Variants in PTPRM observed in about 807,000 individuals in gnomAD.
PTPRM encodes protein tyrosine phosphatase receptor type M.
A neutral mutation model predicts 186.7 loss-of-function variants in PTPRM; 47 were observed. That is an observed-to-expected ratio of 0.25 (90% CI 0.20 to 0.32). The LOEUF is 0.32. PTPRM is among the 10% of genes least tolerant of loss of function. The probability of loss-of-function intolerance (pLI) is 1.00; values close to 1 mark genes in which losing one functional copy is unlikely to be tolerated. For missense variants in PTPRM, 1,494 were observed against 1,865.0 expected, an observed-to-expected ratio of 0.80 and a Z score of 3.66; for synonymous variants, 668 against 674.9, an observed-to-expected ratio of 0.99 and a Z score of 0.16.
At position 7,567,558 on chromosome 18, in the gene PTPRM, C is replaced by T. The variant is rs996694935; in HGVS notation, c.-261C>T. ...AGGGAAGATTTTGGCTCCGCGGGCTCGCCCTCCGCTCCCTCTGCCAGCGGC... is the reference window on the plus strand; with the variant it reads ...AGGGAAGATTTTGGCTCCGCGGGCTTGCCCTCCGCTCCCTCTGCCAGCGGC... On this transcript the variant is annotated 5_prime_UTR_variant, in exon 1 of 33. Transcript: ENST00000580170. This position sits in a 1 kb window ranked among gnomAD's most constrained non-coding sequence, Gnocchi z 4.3. 1.5e-4 allele frequency: 58 copies of T among 374,640 alleles called. No individual in the cohort carries two copies. Among genetic ancestry groups the T allele is most frequent in the Middle Eastern group, 6.8e-4 (1 of 1,476 alleles). The allele number at this position is 374,640 out of a possible 1,614,324, so 23.2% of individuals were successfully genotyped here.
chr18:8,279,537 G>T (rs1042455114), intron 19 of PTPRM, among the ~76,000 whole-genome samples: 1 of 152,180 alleles, frequency 6.6e-6, no homozygotes, highest in Non-Finnish European at 1.5e-5. Flanking sequence ...TGTCTTGAAG[G>T]CTCCAGCAGT....
intron 7 of PTPRM, among the ~76,000 whole-genome samples, chr18:8,028,827 A>G (rs1400050915): frequency 1.3e-5 from 2 of 152,226 alleles, no homozygotes; most frequent in African/African-American, 2.4e-5. Context: ...TGCAAAAAAG[A>G]TCATGAATGT....
intron 11 of PTPRM, among the ~76,000 whole-genome samples, chr18:8,097,764 A>G (rs888607518): frequency 6.6e-6 from 1 of 152,212 alleles, no homozygotes; most frequent in Non-Finnish European, 1.5e-5. Context: ...AGCAATCAGT[A>G]GAAAAGCCTA....
At chr18:7,700,773 T>C (rs1170284806) in intron 1 of PTPRM, among the ~76,000 whole-genome samples, 2 of 151,644 alleles carry the variant, frequency 1.3e-5, no homozygotes, top group East Asian at 2.0e-4. Context: ...GGAGGATTAC[T>C]TTAGCTCAGG....
intron 12 of PTPRM, 74 bp downstream of exon 12, chr18:8,113,833 A>G: frequency 7.4e-7 from 1 of 1,352,724 alleles, no homozygotes; most frequent in Admixed American, 2.4e-5. Context: ...GTAAAATAGT[A>G]GTAAAATGGA....
chr18:7,835,621 A>G (rs548191162), intron 2 of PTPRM, among the ~76,000 whole-genome samples: 121 of 152,216 alleles, frequency 7.9e-4, no homozygotes, highest in African/African-American at 2.8e-3. Context: ...AATAAGTTCA[A>G]TGTTTCTTTG....
At chr18:8,172,652 A>G (rs1208539562) in intron 14 of PTPRM, among the ~76,000 whole-genome samples, 1 of 151,526 alleles carries the variant, frequency 6.6e-6, no homozygotes, top group Non-Finnish European at 1.5e-5. Flanking sequence ...TTGTGTCCTA[A>G]TTGTGAGGAA....
At chr18:7,685,657 A>G (rs2144606161) in intron 1 of PTPRM, among the ~76,000 whole-genome samples, 1 of 152,314 alleles carries the variant, frequency 6.6e-6, no homozygotes, top group African/African-American at 2.4e-5. Flanking sequence ...GATAGTTACC[A>G]AGTCCTAGGG....
chr18:8,126,613 G>T (rs1234879898), intron 13 of PTPRM, among the ~76,000 whole-genome samples: 1 of 152,114 alleles, frequency 6.6e-6, no homozygotes, highest in African/African-American at 2.4e-5. Context: ...CACATCCTAA[G>T]TCCTCTTTAT....
intron 11 of PTPRM, among the ~76,000 whole-genome samples, chr18:8,098,294 C>G (rs1269582659): frequency 6.6e-6 from 1 of 152,126 alleles, no homozygotes; most frequent in Non-Finnish European, 1.5e-5. Flanking sequence ...ATCAGAAATG[C>G]AAAATCATTT....
intron 23 of PTPRM, among the ~76,000 whole-genome samples, chr18:8,368,107 T>C (rs189727628): frequency 3.3e-5 from 5 of 151,840 alleles, no homozygotes; most frequent in Admixed American, 2.6e-4. Flanking sequence ...ATATATGTAG[T>C]TTTATATCTA....
intron 6 of PTPRM, among the ~76,000 whole-genome samples, chr18:7,951,991 A>T (rs1320025293): frequency 6.6e-6 from 1 of 152,214 alleles, no homozygotes; most frequent in Non-Finnish European, 1.5e-5. Flanking sequence ...CCTTTAATTG[A>T]CTAACCATCA....
At chr18:7,826,395 G>A (rs2045485659) in intron 2 of PTPRM, among the ~76,000 whole-genome samples, 1 of 152,160 alleles carries the variant, frequency 6.6e-6, no homozygotes, top group Admixed American at 6.5e-5. Context: ...TACTGGCACT[G>A]CCACTCAAAC....
At chr18:7,942,167 C>T (rs1331119659) in intron 5 of PTPRM, among the ~76,000 whole-genome samples, 6 of 151,514 alleles carry the variant, frequency 4.0e-5, no homozygotes, top group African/African-American at 1.5e-4. Flanking sequence ...CCTGTAGTCC[C>T]AGCTAACTGG....
At chr18:8,219,466 CAA>C (rs75422489) in intron 14 of PTPRM, among the ~76,000 whole-genome samples, 13 of 144,134 alleles carry the variant, frequency 9.0e-5, no homozygotes, top group East Asian at 6.1e-4. Context: ...GAGTCCATCT[CAA>C]AAAAAAAAAA....
At chr18:7,574,718 A>G (rs1313346849) in intron 1 of PTPRM, among the ~76,000 whole-genome samples, 5 of 152,224 alleles carry the variant, frequency 3.3e-5, no homozygotes, top group African/African-American at 7.2e-5. Context: ...AATAAACTCA[A>G]ATTCCAAATA....
At chr18:8,259,513 G>A (rs576326943) in intron 19 of PTPRM, among the ~76,000 whole-genome samples, 3 of 146,640 alleles carry the variant, frequency 2.0e-5, no homozygotes, top group South Asian at 2.2e-4. Flanking sequence ...TCCTTCCCCC[G>A]TTTTCTAAGT....
chr18:7,845,610 C>T (rs976416537), intron 2 of PTPRM, among the ~76,000 whole-genome samples: 1 of 152,158 alleles, frequency 6.6e-6, no homozygotes, highest in Non-Finnish European at 1.5e-5. Flanking sequence ...TTTTCTGTTG[C>T]TGTTGATTTC....
In PTPRM at chr18:7,949,324, A is replaced by G. The variant is rs1431692581; in HGVS notation, c.807A>G (p.Gly269=). 6.2e-7 allele frequency: 1 copy of G among 1,614,046 alleles called. No homozygotes were observed. The highest frequency in any genetic ancestry group is 1.7e-5 in the Admixed American group (1 of 60,016). Reference sequence around the variant, plus strand: ...TGATTCGCACTGAAGGAGGTGTTGGAATATCAAACTATGCAGAGTTGGTAG... The same window carrying G: ...TGATTCGCACTGAAGGAGGTGTTGGGATATCAAACTATGCAGAGTTGGTAG... The part of the protein sequence containing the change: ...RCMIRTEGGV[G]ISNYAELVVK... Residue 269 remains glycine (G), a synonymous_variant, in exon 6 of 33, where the codon GGA becomes GGG. Transcript: ENST00000580170.
Sources: gnomAD v4.1 joint callset for allele counts (sites outside exome capture counted in the v4.1 genomes callset) on GRCh38, gnomAD v4.1.1 for gene constraint, Gnocchi (gnomAD v3.1) non-coding constraint, MANE v1.5 for transcripts, NCBI Gene and HGNC (gene_info 2026-07-23, HGNC 2026-07-21) for gene names.